The following STMP1 variants were observed in gnomAD, a reference collection of about 807,000 sequenced individuals.
The protein encoded by STMP1 is short transmembrane mitochondrial protein 1, also known as mitolamban.
A neutral mutation model predicts 7.0 loss-of-function variants in STMP1; 7 were observed. That is an observed-to-expected ratio of 1.01 (90% CI 0.57 to 1.89). The LOEUF is 1.89. Among genes scored for constraint, STMP1 ranks in the 40% most tolerant of loss-of-function variants. The pLI is 0.00. For synonymous variants in STMP1, 19 were observed against 18.4 expected, an observed-to-expected ratio of 1.03 and a Z score of -0.08; for missense variants, 45 against 53.0, an observed-to-expected ratio of 0.85 and a Z score of 0.47.
intron 1 of STMP1, among the ~76,000 whole-genome samples, chr7:135,666,532 A>G (rs1404913442): frequency 6.6e-6 from 1 of 151,558 alleles, no homozygotes; most frequent in Non-Finnish European, 1.5e-5. Flanking sequence ...TATTTTTAGT[A>G]GAAACAGCCA....
chr7:135,675,922 CTTTTTTTTTTT>C lies in STMP1; in HGVS notation c.*1767_*1777del, dbSNP rs1177437643. 1.7e-5 allele frequency: 2 copies of C among 120,062 alleles called. No individual in the cohort carries two copies. Among genetic ancestry groups the C allele is most frequent in the East Asian group, 2.3e-4 (1 of 4,394 alleles). The allele number at this position is 120,062 out of a possible 1,614,324, so 7.4% of individuals were successfully genotyped here. A position where few individuals can be genotyped will look rare whatever the true frequency, so the allele number is the denominator to read the frequency against. Reference sequence around the variant, plus strand: ...TAGCAGCGTGATCATGGGCAAGTGGCTTTTTTTTTTTTTTTTTTTTGAGACAGAGTCTCACT... The same window carrying C: ...TAGCAGCGTGATCATGGGCAAGTGGCTTTTTTTTTGAGACAGAGTCTCACT... On this transcript the variant is annotated 3_prime_UTR_variant, in exon 3 of 3. Coordinates refer to ENST00000507606, the MANE Select transcript of STMP1 (RefSeq NM_001130929.2).
chr7:135,666,556 G>A (rs1795295448), intron 1 of STMP1, among the ~76,000 whole-genome samples: 1 of 151,828 alleles, frequency 6.6e-6, no homozygotes, highest in African/African-American at 2.4e-5. Flanking sequence ...TGGCCAGGCT[G>A]GTCTCAAACT....
rs1432630900 is a variant in STMP1 at position 135,674,953 on chromosome 7, T to G, written c.*788T>G. 6.6e-6 allele frequency: 1 copy of G among 152,210 alleles called. No individual in the cohort carries two copies. The highest frequency in any genetic ancestry group is 1.5e-5 in the Non-Finnish European group (1 of 68,040). The allele number at this position is 152,210 out of a possible 1,614,324, so 9.4% of individuals were successfully genotyped here. On this transcript the variant is annotated 3_prime_UTR_variant, in exon 3 of 3. Transcript: ENST00000507606. ...GTTTTTAAAGGAGATTTTATACCTT[T>G]TCACATTAAAAAAGGTATTTATATT... is the stretch of plus-strand genomic sequence containing the variant.
intron 2 of STMP1, 131 bp downstream of exon 2, chr7:135,672,937 G>A (rs1795371946): frequency 2.8e-6 from 2 of 724,542 alleles, no homozygotes; most frequent in East Asian, 2.7e-5. Context: ...CCTGAATATT[G>A]TAGAATGGTT....
chr7:135,664,892 T>G (rs989987668), intron 1 of STMP1, among the ~76,000 whole-genome samples: 9 of 152,226 alleles, frequency 5.9e-5, no homozygotes, highest in Admixed American at 5.9e-4. Context: ...TTTAAGAGAT[T>G]AAACTTCAGA....
At chr7:135,672,943 T>A in intron 2 of STMP1, 137 bp downstream of exon 2, 1 of 704,358 alleles carries the variant, frequency 1.4e-6, no homozygotes, top group South Asian at 1.8e-5. Context: ...TATTGTAGAA[T>A]GGTTTGCCAT....
chr7:135,663,339 T>A (rs73721671), intron 1 of STMP1, among the ~76,000 whole-genome samples: 5,046 of 151,758 alleles, frequency 0.033, 109 homozygotes, highest in Middle Eastern at 0.099. Context: ...TCAACCTCTA[T>A]TTTTTTTTAT....
At chr7:135,666,547 G>A (rs1795294954) in intron 1 of STMP1, among the ~76,000 whole-genome samples, 1 of 151,752 alleles carries the variant, frequency 6.6e-6, no homozygotes, top group Admixed American at 6.6e-5. Context: ...CAGCCATGTT[G>A]GCCAGGCTGG....
intron 2 of STMP1, among the ~76,000 whole-genome samples, chr7:135,673,542 A>T (rs952750824): frequency 3.3e-5 from 5 of 152,186 alleles, no homozygotes; most frequent in Admixed American, 1.3e-4. Flanking sequence ...TTGGCACCAG[A>T]TCGAGCGGAA....
chr7:135,666,158 C>A (rs1250502909), intron 1 of STMP1, among the ~76,000 whole-genome samples: 3 of 152,128 alleles, frequency 2.0e-5, no homozygotes, highest in Non-Finnish European at 4.4e-5. Context: ...GTCTTGAACT[C>A]CTGACCTCAA....
chr7:135,672,872 T>G, intron 2 of STMP1, 66 bp downstream of exon 2: 2 of 1,316,866 alleles, frequency 1.5e-6, no homozygotes, highest in Non-Finnish European at 2.1e-6. Context: ...TTTCTTTGTT[T>G]GAGGTAAGGT....
chr7:135,672,082 T>A (rs1348738556), intron 1 of STMP1, among the ~76,000 whole-genome samples: 2 of 152,156 alleles, frequency 1.3e-5, no homozygotes, highest in Non-Finnish European at 2.9e-5. Context: ...CGGTTTCAAG[T>A]GATTCTCCTG....
intron 1 of STMP1, among the ~76,000 whole-genome samples, chr7:135,663,602 C>T (rs900078724): frequency 3.3e-5 from 5 of 152,224 alleles, no homozygotes; most frequent in East Asian, 1.9e-4. Flanking sequence ...CCTCAGCCTA[C>T]GAAAGTGCTG....
At chr7:135,673,069 G>A (rs1174220333) in intron 2 of STMP1, 22 of 454,986 alleles carry the variant, frequency 4.8e-5, no homozygotes, top group Non-Finnish European at 7.0e-5. Context: ...CTTGTTAGCC[G>A]AGAGTAATAT....
intron 1 of STMP1, among the ~76,000 whole-genome samples, chr7:135,669,441 CTA>C (rs1795335493): frequency 6.6e-6 from 1 of 152,202 alleles, no homozygotes; most frequent in Non-Finnish European, 1.5e-5. Flanking sequence ...TGTTATATAA[CTA>C]TTTTACCTAG....
rs1448630978 is a variant in STMP1, at chr7:135,672,846, CT to C, written c.69+41del. On this transcript the variant is annotated intron_variant, in intron 2 of 2. Coordinates refer to ENST00000507606, the MANE Select transcript of STMP1 (RefSeq NM_001130929.2). The stretch of plus-strand genomic sequence containing the variant: ...CCATGACTTCCTTGATTCCATGTAA[CT>C]GTTTTAGAGTGACTTTTCTTTGTTT... 2.7e-6 allele frequency: 4 copies of C among 1,504,128 alleles called. No homozygotes were observed. The East Asian group carries it at 9.8e-5, about 37-fold the overall frequency. The allele number at this position is 1,504,128 out of a possible 1,614,324, so 93.2% of individuals were successfully genotyped here. A position where few individuals can be genotyped will look rare whatever the true frequency, so the allele number is the denominator to read the frequency against.
chr7:135,668,812 A>G (rs1200981039), intron 1 of STMP1, among the ~76,000 whole-genome samples: 2 of 152,114 alleles, frequency 1.3e-5, no homozygotes, highest in Non-Finnish European at 2.9e-5. Context: ...TGTTTCTTTT[A>G]TGCCAGTCAT....
In STMP1 at chr7:135,676,181, T is replaced by C. The variant is rs1795413271; in HGVS notation, c.*2016T>C. ...TGCCCACTTCAGCCTCCCAAAGTGT[T>C]GGGATTACAGGCGTGAGCCACTGCG... On this transcript the variant is annotated 3_prime_UTR_variant, in exon 3 of 3. Transcript: ENST00000507606. 1 of 152,224 alleles carries C rather than the reference T, an allele frequency of 6.6e-6. No individual in the cohort carries two copies. Among genetic ancestry groups the C allele is most frequent in the Non-Finnish European group, 1.5e-5 (1 of 68,042 alleles). 9.4% of individuals were successfully genotyped at this position (152,224 alleles called of 1,614,324 possible). A position where few individuals can be genotyped will look rare whatever the true frequency, so the allele number is the denominator to read the frequency against.
chr7:135,663,288 G>A (rs1046459155), intron 1 of STMP1, among the ~76,000 whole-genome samples: 1 of 152,184 alleles, frequency 6.6e-6, no homozygotes, highest in African/African-American at 2.4e-5. Flanking sequence ...TCAAGTGAAA[G>A]TTTTTCTGCC....
Sources: allele counts gnomAD v4.1 joint callset (sites outside exome capture counted in the v4.1 genomes callset), GRCh38; gene constraint gnomAD v4.1.1; transcripts MANE v1.5; gene names NCBI Gene and HGNC (gene_info 2026-07-23, HGNC 2026-07-21).